PDE8A: variants seen among roughly 807,000 people sequenced by gnomAD.
The protein encoded by PDE8A is phosphodiesterase 8A.
In PDE8A, 59 loss-of-function variants were observed where a neutral mutation model predicts 105.0. That is an observed-to-expected ratio of 0.56 (90% confidence interval 0.46 to 0.70). The LOEUF is 0.70. Ranked by LOEUF, PDE8A falls within the 30% of genes least tolerant of loss-of-function variation. The probability of loss-of-function intolerance (pLI) is 0.00; values close to 1 mark genes in which losing one functional copy is unlikely to be tolerated. For synonymous variants in PDE8A, 355 were observed against 371.9 expected, an observed-to-expected ratio of 0.95 and a Z score of 0.52; for missense variants, 1,014 against 1,045.9, an observed-to-expected ratio of 0.97 and a Z score of 0.42.
At chr15:85,015,144 C>T (rs886747142) in intron 1 of PDE8A, among the ~76,000 whole-genome samples, 2 of 152,156 alleles carry the variant, frequency 1.3e-5, no homozygotes, top group Admixed American at 6.5e-5. Context: ...AGTGCTCCAC[C>T]GGCTTGATCT....
At chr15:85,135,610 C>T (rs915170856) in intron 20 of PDE8A, among the ~76,000 whole-genome samples, 4 of 152,126 alleles carry the variant, frequency 2.6e-5, no homozygotes, top group East Asian at 1.9e-4. Flanking sequence ...GATCTTGCAG[C>T]GATTCCGGTT....
chr15:85,039,235 G>T (rs1320774060), intron 1 of PDE8A, among the ~76,000 whole-genome samples: 2 of 152,120 alleles, frequency 1.3e-5, no homozygotes, highest in African/African-American at 4.8e-5. Context: ...AGACCAGCCT[G>T]AGCAACCTAG....
At position 85,117,964 on chromosome 15, in the gene PDE8A, G is replaced by C; in HGVS notation, c.1734+125G>C. Reference sequence around the variant, plus strand: ...TGCAGCCTGGCACAGGAAGGGCAAGGTCATACGAGGAATCAGGCAGGAGGC... The same window carrying C: ...TGCAGCCTGGCACAGGAAGGGCAAGCTCATACGAGGAATCAGGCAGGAGGC... On this transcript the variant is annotated intron_variant, in intron 17 of 21. Coordinates refer to ENST00000394553, the MANE Select transcript of PDE8A (RefSeq NM_002605.3). 5.1e-6 allele frequency: 4 copies of C among 778,662 alleles called. No homozygotes were observed. The Admixed American group carries it at 5.6e-5, about 11-fold the overall frequency. 48.2% of individuals were successfully genotyped at this position (778,662 alleles called of 1,614,324 possible). A position where few individuals can be genotyped will look rare whatever the true frequency, so the allele number is the denominator to read the frequency against.
At chr15:85,122,044 C>T (rs2082190726) in intron 18 of PDE8A, among the ~76,000 whole-genome samples, 1 of 152,170 alleles carries the variant, frequency 6.6e-6, no homozygotes, top group Admixed American at 6.6e-5. Context: ...TCCACTCTGC[C>T]CTCCTGTGCT....
intron 20 of PDE8A, among the ~76,000 whole-genome samples, chr15:85,133,452 C>T (rs993651284): frequency 6.6e-5 from 10 of 152,166 alleles, no homozygotes; most frequent in African/African-American, 2.4e-4. Flanking sequence ...GGGCCGCTGC[C>T]TCCTCCAGAC....
intron 20 of PDE8A, among the ~76,000 whole-genome samples, chr15:85,133,628 A>G (rs937914410): frequency 6.6e-6 from 1 of 152,142 alleles, no homozygotes; most frequent in African/African-American, 2.4e-5. Context: ...CCAGTCTCTC[A>G]TTTCATGGAG....
Position 84,982,046 on chromosome 15 carries a change from CGCCGCCCGCCCAGGCGGCG to C in PDE8A, c.-116_-98del. ...TTCCTGACGCGAGATCCGCGCTCGCCGCCGCCCGCCCAGGCGGCGATGACACGGCGCCCGCGGCGGCCCG... is the reference window on the plus strand; with the variant it reads ...TTCCTGACGCGAGATCCGCGCTCGCCATGACACGGCGCCCGCGGCGGCCCG... On this transcript the variant is annotated 5_prime_UTR_variant, in exon 1 of 22. Coordinates refer to ENST00000394553, the MANE Select transcript of PDE8A (RefSeq NM_002605.3). The C allele has an allele frequency of 2.0e-6, 1 of 508,898 alleles. No homozygotes were observed. Among genetic ancestry groups the C allele is most frequent in the Non-Finnish European group, 2.9e-6 (1 of 346,254 alleles). The allele number at this position is 508,898 out of a possible 1,614,324, so 31.5% of individuals were successfully genotyped here. A position where few individuals can be genotyped will look rare whatever the true frequency, so the allele number is the denominator to read the frequency against.
intron 1 of PDE8A, among the ~76,000 whole-genome samples, chr15:85,000,875 T>G (rs1337573505): frequency 6.6e-6 from 1 of 152,198 alleles, no homozygotes; most frequent in Non-Finnish European, 1.5e-5. Flanking sequence ...ACCTTATCCA[T>G]TCTTCTGAAA....
At chr15:85,090,201 C>G (rs1407446264) in intron 7 of PDE8A, among the ~76,000 whole-genome samples, 1 of 152,196 alleles carries the variant, frequency 6.6e-6, no homozygotes, top group African/African-American at 2.4e-5. Flanking sequence ...CCTGCTTCAG[C>G]TGAACAACTT....
intron 6 of PDE8A, among the ~76,000 whole-genome samples, chr15:85,086,630 G>A (rs986476296): frequency 9.9e-5 from 15 of 152,210 alleles, no homozygotes; most frequent in African/African-American, 2.4e-4. Flanking sequence ...TTTATTTACC[G>A]TATCTGCGAA....
chr15:85,015,885 C>G (rs1330713175), intron 1 of PDE8A, among the ~76,000 whole-genome samples: 1 of 152,082 alleles, frequency 6.6e-6, no homozygotes, highest in East Asian at 1.9e-4. Flanking sequence ...ACTTGTAATC[C>G]CAGCACTTTG....
In PDE8A at chr15:85,113,892, C is replaced by T; in HGVS notation, c.1205C>T (p.Ala402Val). ...ATGTAGGTAATCAATATTATCAATG[C>T]TGCCCAGGAAAGTAGTCCCATGCCT... ...PITKVINIINAAQESSPMPVT... is the reference protein window; with the variant it reads ...PITKVINIINVAQESSPMPVT... Residue 402 changes from alanine to valine, a missense_variant, in exon 14 of 22, where the codon GCT (alanine) becomes GTT (valine). Coordinates refer to ENST00000394553, the MANE Select transcript of PDE8A (RefSeq NM_002605.3). The T allele has an allele frequency of 2.5e-6, 4 of 1,612,124 alleles. No homozygotes were observed. The highest frequency in any genetic ancestry group is 2.2e-5 in the South Asian group (2 of 90,810).
intron 1 of PDE8A, among the ~76,000 whole-genome samples, chr15:85,055,092 G>A (rs1567253281): frequency 6.6e-6 from 1 of 151,870 alleles, no homozygotes; most frequent in African/African-American, 2.4e-5. Flanking sequence ...TCGGGAGCAG[G>A]TTGTTTAGTT....
At chr15:85,020,381 A>AT (rs1026798451) in intron 1 of PDE8A, among the ~76,000 whole-genome samples, 11 of 152,280 alleles carry the variant, frequency 7.2e-5, no homozygotes, top group African/African-American at 2.2e-4. Context: ...AGGCGGGTGG[A>AT]TTACCTGAGG....
chr15:85,035,052 T>C (rs2080681036), intron 1 of PDE8A, among the ~76,000 whole-genome samples: 1 of 152,020 alleles, frequency 6.6e-6, no homozygotes, highest in South Asian at 2.1e-4. Flanking sequence ...CCAATAAATA[T>C]AAATGGGAGT....
At chr15:85,078,775 A>G (rs2081419635) in intron 5 of PDE8A, among the ~76,000 whole-genome samples, 1 of 152,216 alleles carries the variant, frequency 6.6e-6, no homozygotes, top group South Asian at 2.1e-4. Flanking sequence ...AGATGAGTAA[A>G]GAAAATGGTC....
At chr15:85,056,821 C>G (rs1016194873) in intron 1 of PDE8A, among the ~76,000 whole-genome samples, 1 of 152,210 alleles carries the variant, frequency 6.6e-6, no homozygotes, top group Non-Finnish European at 1.5e-5. Flanking sequence ...CTCAACTCGT[C>G]AAAGTCATTC....
At chr15:85,068,363 A>G (rs1456793220) in intron 3 of PDE8A, among the ~76,000 whole-genome samples, 1 of 152,036 alleles carries the variant, frequency 6.6e-6, no homozygotes, top group Non-Finnish European at 1.5e-5. Flanking sequence ...ATTTCTTGAC[A>G]TGTCATTTGG....
chr15:85,016,468 T>C (rs1055348189), intron 1 of PDE8A, among the ~76,000 whole-genome samples: 18 of 152,342 alleles, frequency 1.2e-4, no homozygotes, highest in African/African-American at 4.1e-4. Context: ...ATAAATTCCA[T>C]TCATAATTGA....
Sources: allele counts gnomAD v4.1 joint callset (sites outside exome capture counted in the v4.1 genomes callset), GRCh38; gene constraint gnomAD v4.1.1; transcripts MANE v1.5; gene names NCBI Gene and HGNC (gene_info 2026-07-23, HGNC 2026-07-21).